The following PCDH15 variants were observed in gnomAD, a reference collection of about 807,000 sequenced individuals.
The protein encoded by PCDH15 is protocadherin related 15.
Under a neutral mutation model 178.5 loss-of-function variants are expected in PCDH15, and 129 were observed. That is an observed-to-expected ratio of 0.72 (90% CI 0.63 to 0.84). PCDH15 has a LOEUF of 0.84. Ranked by LOEUF, PCDH15 falls within the 40% of genes least tolerant of loss-of-function variation. The pLI is 0.00. For synonymous variants in PCDH15, 800 were observed against 732.0 expected, an observed-to-expected ratio of 1.09 and a Z score of -1.50; for missense variants, 2,230 against 2,099.9, an observed-to-expected ratio of 1.06 and a Z score of -1.21.
At chr10:55,278,208 T>C (rs1329771404) in intron 1 of PCDH15, among the ~76,000 whole-genome samples, 1 of 152,134 alleles carries the variant, frequency 6.6e-6, no homozygotes, top group African/African-American at 2.4e-5. Flanking sequence ...AGAATAGTCA[T>C]TTTTTGTCTT....
At chr10:55,096,284 C>T (rs538676003) in intron 2 of PCDH15, among the ~76,000 whole-genome samples, 4 of 152,104 alleles carry the variant, frequency 2.6e-5, no homozygotes, top group Non-Finnish European at 4.4e-5. Context: ...TAGACATTAA[C>T]TCAATTGGTC....
At chr10:54,701,624 C>T (rs2095309749) in intron 1 of PCDH15, among the ~76,000 whole-genome samples, 1 of 151,728 alleles carries the variant, frequency 6.6e-6, no homozygotes, top group African/African-American at 2.4e-5. Flanking sequence ...ATCAGACAAA[C>T]AGAAAAGAGA....
intron 3 of PCDH15, among the ~76,000 whole-genome samples, chr10:54,480,121 C>T (rs985180836): frequency 3.9e-5 from 6 of 152,056 alleles, no homozygotes; most frequent in Admixed American, 3.3e-4. Flanking sequence ...GGTAGAATCA[C>T]GATCAAGTGA....
intron 2 of PCDH15, among the ~76,000 whole-genome samples, chr10:54,978,071 G>T (rs1839122370): frequency 6.6e-6 from 1 of 152,036 alleles, no homozygotes; most frequent in African/African-American, 2.4e-5. Flanking sequence ...ATTCGAGAAA[G>T]CACATCAATC....
At chr10:53,924,347 C>G (rs1340057088) in intron 25 of PCDH15, among the ~76,000 whole-genome samples, 1 of 152,232 alleles carries the variant, frequency 6.6e-6, no homozygotes, top group Non-Finnish European at 1.5e-5. Flanking sequence ...GGAGGGTGCA[C>G]CGGGTCCCCC....
chr10:54,553,412 T>C (rs1194453346), intron 2 of PCDH15, among the ~76,000 whole-genome samples: 1 of 152,214 alleles, frequency 6.6e-6, no homozygotes, highest in Non-Finnish European at 1.5e-5. Context: ...TTATTTTGTC[T>C]AATGGGAAAT....
At chr10:54,000,885 T>C (rs922435517) in intron 20 of PCDH15, among the ~76,000 whole-genome samples, 2 of 152,118 alleles carry the variant, frequency 1.3e-5, no homozygotes, top group African/African-American at 2.4e-5. Flanking sequence ...TAGCTCAAGT[T>C]ATTTAATAAT....
intron 1 of PCDH15, among the ~76,000 whole-genome samples, chr10:54,784,519 A>G (rs950186711): frequency 6.6e-6 from 1 of 152,046 alleles, no homozygotes; most frequent in African/African-American, 2.4e-5. Context: ...CTGTTTAGCC[A>G]TGAAGAAGAA....
In PCDH15 at chr10:54,860,765, A is replaced by C. The variant is rs561266112; in HGVS notation, c.-29+36685T>G. Among the ~76,000 whole-genome samples, 8 of 152,270 alleles carry C rather than the reference A, an allele frequency of 5.3e-5. No individual in the cohort carries two copies. The South Asian group carries it at 1.5e-3, about 28-fold the overall frequency. ...TGGCTGAACTAATTTTTATTCACAC[A>C]AACTCTACTGAAAATTTGAAGTGGA... On this transcript the variant is annotated intron_variant, in intron 3 of 5. Coordinates refer to the PCDH15 transcript ENST00000458638.
intron 26 of PCDH15, among the ~76,000 whole-genome samples, chr10:53,892,020 G>GTTTTTTTTT (rs869122093): frequency 4.4e-5 from 4 of 91,862 alleles, no homozygotes; most frequent in East Asian, 3.6e-4. Context: ...TTACATCTAT[G>GTTTTTTTTT]TTTTTTTTTT....
chr10:55,558,510 A>G (rs1842133425), intron 2 of PCDH15, among the ~76,000 whole-genome samples: 1 of 152,114 alleles, frequency 6.6e-6, no homozygotes, highest in Non-Finnish European at 1.5e-5. Flanking sequence ...TTTTTATTTT[A>G]TATGAAAGTA....
intron 3 of PCDH15, among the ~76,000 whole-genome samples, chr10:54,878,640 T>C (rs997903144): frequency 1.3e-5 from 2 of 152,310 alleles, no homozygotes; most frequent in African/African-American, 4.8e-5. Flanking sequence ...GCTGTGAGCA[T>C]AGATGAAATT....
intron 8 of PCDH15, among the ~76,000 whole-genome samples, chr10:54,241,295 A>G (rs1019804076): frequency 7.9e-5 from 12 of 152,156 alleles, no homozygotes; most frequent in African/African-American, 2.9e-4. Flanking sequence ...TACTGCCTAT[A>G]TTACAGAGGA....
In PCDH15 at chr10:54,288,367, T is replaced by C. The variant is rs189024661; in HGVS notation, c.876+28904A>G. Among the ~76,000 whole-genome samples, 483 of 100,796 alleles carry C rather than the reference T, an allele frequency of 4.8e-3. 5 individuals carry two copies. The highest frequency in any genetic ancestry group is 0.018 in the African/African-American group (372 of 21,194). The allele number at this position is 100,796 out of a possible 152,430, so 66.1% of individuals were successfully genotyped here. ...AGAGAGAGAGGAGAGAGAAACATCC[T>C]TTTTTCTGGTAAAATTTAGAGACTA... On this transcript the variant is annotated intron_variant, in intron 8 of 37. Coordinates refer to ENST00000644397, the MANE Select transcript of PCDH15 (RefSeq NM_001384140.1).
chr10:55,091,819 T>C (rs955362068), intron 2 of PCDH15, among the ~76,000 whole-genome samples: 14 of 151,876 alleles, frequency 9.2e-5, no homozygotes, highest in African/African-American at 2.7e-4. Flanking sequence ...AGGACTCCTG[T>C]AATTTTGATA....
chr10:55,238,180 C>T (rs1034176541), intron 1 of PCDH15, among the ~76,000 whole-genome samples: 1 of 146,196 alleles, frequency 6.8e-6, no homozygotes, highest in African/African-American at 2.5e-5. Context: ...CGGAGTCTCC[C>T]TCTGTCGCCC....
chr10:55,020,482 T>G (rs1338218465), intron 2 of PCDH15, among the ~76,000 whole-genome samples: 1 of 151,788 alleles, frequency 6.6e-6, no homozygotes, highest in Non-Finnish European at 1.5e-5. Flanking sequence ...TATGTTGTAA[T>G]AGGAGAGAAA....
chr10:54,063,936 G>T (rs1178745328), intron 18 of PCDH15, among the ~76,000 whole-genome samples: 1 of 152,146 alleles, frequency 6.6e-6, no homozygotes. Flanking sequence ...CCTTTTTGTT[G>T]CTCGCCACAT....
At chr10:53,888,428 A>G (rs1451616245) in intron 26 of PCDH15, among the ~76,000 whole-genome samples, 1 of 143,202 alleles carries the variant, frequency 7.0e-6, no homozygotes, top group East Asian at 2.0e-4. Context: ...TACAAATTAC[A>G]TAGGAGTAGA....
Sources: gnomAD v4.1 joint callset for allele counts (sites outside exome capture counted in the v4.1 genomes callset) on GRCh38, gnomAD v4.1.1 for gene constraint, MANE v1.5 for transcripts, NCBI Gene and HGNC (gene_info 2026-07-23, HGNC 2026-07-21) for gene names.